Variants in SFTPD observed in about 807,000 individuals in gnomAD.
The protein encoded by SFTPD is surfactant protein D, also known as pulmonary surfactant-associated protein D.
Under a neutral mutation model 34.6 loss-of-function variants are expected in SFTPD, and 18 were observed. The ratio of observed to expected loss-of-function variants is 0.52; its 90% CI spans 0.36 to 0.77. The LOEUF (loss-of-function observed/expected upper bound fraction) is 0.77, where lower values mean the gene tolerates loss of function less well. SFTPD is among the 30% of genes least tolerant of loss of function. SFTPD has a pLI of 0.00. For missense variants in SFTPD, 433 were observed against 468.9 expected (o/e 0.92, Z 0.71); for synonymous variants, 155 against 180.9 (o/e 0.86, Z 1.15).
rs755789807 is a variant in SFTPD, at chr10:79,941,910, A to G, written c.550+44T>C. The G allele has an allele frequency of 1.2e-5, 16 of 1,281,280 alleles. 1 individual carries two copies. In the South Asian group the frequency reaches 1.8e-4, roughly 14 times the overall value. The allele number at this position is 1,281,280 out of a possible 1,614,324, so 79.4% of individuals were successfully genotyped here. ...GGCATTGACAGCTCCAAGCAGGCAC[A>G]GGAGAACTGGACCCAGCCCAGCCCA... On this transcript the variant is annotated intron_variant, in intron 5 of 7. Coordinates refer to ENST00000372292, the MANE Select transcript of SFTPD (RefSeq NM_003019.5).
chr10:79,941,974 G>C lies in SFTPD; in HGVS notation c.530C>G (p.Pro177Arg). 6.2e-7 allele frequency: 1 copy of C among 1,612,752 alleles called. No homozygotes were observed. The highest frequency in any genetic ancestry group is 8.5e-7 in the Non-Finnish European group (1 of 1,178,866). Residue 177 changes from proline (P) to arginine (R), a missense_variant, in exon 5 of 8, where the codon CCT (proline) becomes CGT (arginine). Coordinates refer to ENST00000372292, the MANE Select transcript of SFTPD (RefSeq NM_003019.5). ...ERGVPGERGVPGNTGAAGSAG... is the reference protein window; with the variant it reads ...ERGVPGERGVRGNTGAAGSAG... ...CTCACCTGCTGCCCCTGTGTTTCCA[G>C]GGACTCCACGCTCACCAGGGACACC...
At chr10:79,951,640 C>G (rs976374901), upstream of SFTPD, among the ~76,000 whole-genome samples, 1 of 152,170 alleles carries the variant, frequency 6.6e-6, no homozygotes, top group Non-Finnish European at 1.5e-5. Flanking sequence ...CCTCTGTCAG[C>G]CTGTTTTTTA....
At chr10:79,978,201 G>A (rs1438911744) in intron 1 of SFTPD, among the ~76,000 whole-genome samples, 3 of 152,184 alleles carry the variant, frequency 2.0e-5, no homozygotes, top group South Asian at 2.1e-4. Flanking sequence ...TAACATAGGG[G>A]TGCAAGGATG....
intron 1 of SFTPD, chr10:79,972,507 CA>C (rs1842841141): frequency 9.8e-6 from 1 of 101,738 alleles, no homozygotes; most frequent in Admixed American, 9.8e-5. Flanking sequence ...TCAAAACACA[CA>C]CACAGACACA....
At chr10:79,958,800 G>A (rs1489445052) in intron 1 of SFTPD, among the ~76,000 whole-genome samples, 1 of 152,120 alleles carries the variant, frequency 6.6e-6, no homozygotes, top group Non-Finnish European at 1.5e-5. Context: ...AGACCTAATA[G>A]ACAACTACAG....
At chr10:79,946,366 C>T in intron 2 of SFTPD, 95 bp downstream of exon 2, 1 of 945,276 alleles carries the variant, frequency 1.1e-6, no homozygotes, top group Non-Finnish European at 1.7e-6. Context: ...AACACGTCTC[C>T]AGACTTCCAT....
intron 1 of SFTPD, chr10:79,982,158 G>T: frequency 2.5e-6 from 1 of 396,402 alleles, no homozygotes; most frequent in South Asian, 6.9e-5. Context: ...TGGCGGGGCA[G>T]GGCGGACATG....
At chr10:79,960,408 C>T (rs1180512362) in intron 1 of SFTPD, among the ~76,000 whole-genome samples, 3 of 151,166 alleles carry the variant, frequency 2.0e-5, no homozygotes, top group Non-Finnish European at 4.4e-5. Context: ...ATCGTCTCAG[C>T]CCAAAATCTC....
chr10:79,957,567 G>A (rs10788328), intron 1 of SFTPD, among the ~76,000 whole-genome samples: 22,263 of 152,128 alleles, frequency 0.15, 2,064 homozygotes, highest in East Asian at 0.41. Flanking sequence ...AAGATGAAAT[G>A]AATGAAGTGA....
At position 79,942,854 on chromosome 10, in the gene SFTPD, T is replaced by G. The variant is rs1449450689; in HGVS notation, c.225A>C (p.Ala75=). 1 of 1,613,798 alleles carries G rather than the reference T, an allele frequency of 6.2e-7. No homozygotes were observed. The highest frequency in any genetic ancestry group is 8.5e-7 in the Non-Finnish European group (1 of 1,179,682). The part of the protein sequence containing the change: ...DPGLPGAAGQ[A]GMPGQAGPVG... Reference sequence around the variant, plus strand: ...CTGGGCCAGCTTGTCCAGGCATCCCTGCTTGCCCTGCAGCTCCTGGCAAAC... The same window carrying G: ...CTGGGCCAGCTTGTCCAGGCATCCCGGCTTGCCCTGCAGCTCCTGGCAAAC... The change falls in exon 3 of 8, where the codon GCA becomes GCC. Residue 75 remains alanine (A), a synonymous_variant. Transcript: ENST00000372292.
intron 1 of SFTPD, among the ~76,000 whole-genome samples, chr10:79,966,849 C>T (rs143938049): frequency 0.011 from 1,649 of 147,412 alleles, 171 homozygotes; most frequent in African/African-American, 0.04. Flanking sequence ...GAATCCTTTC[C>T]CCATTGCTTG....
chr10:79,942,073 G>T lies in SFTPD; in HGVS notation c.434-3C>A. On this transcript the variant is annotated splice_polypyrimidine_tract_variant and splice_region_variant and intron_variant, in intron 4 of 7. Coordinates refer to ENST00000372292, the MANE Select transcript of SFTPD (RefSeq NM_003019.5). ...CATGCCTGGGGCACCTACTTCTCCTGAAGAAGGAACACACAGGAACAAACA... is the reference window on the plus strand; with the variant it reads ...CATGCCTGGGGCACCTACTTCTCCTTAAGAAGGAACACACAGGAACAAACA... 6.2e-7 allele frequency: 1 copy of T among 1,603,182 alleles called. No homozygotes were observed. Among genetic ancestry groups the T allele is most frequent in the Non-Finnish European group, 8.5e-7 (1 of 1,171,036 alleles).
At chr10:79,939,012 G>A (rs17879583) in intron 7 of SFTPD, among the ~76,000 whole-genome samples, 4,510 of 152,284 alleles carry the variant, frequency 0.03, 95 homozygotes, top group Non-Finnish European at 0.044. Flanking sequence ...TCCACATTGC[G>A]TGGGCAAGGG....
intron 1 of SFTPD, chr10:79,968,142 C>A (rs923173081): frequency 2.0e-5 from 3 of 151,976 alleles, no homozygotes; most frequent in African/African-American, 7.3e-5. Context: ...TCGGGATATC[C>A]ATAACCTCAA....
At chr10:79,970,103 G>C (rs2132521178) in intron 1 of SFTPD, 1 of 152,284 alleles carries the variant, frequency 6.6e-6, no homozygotes, top group South Asian at 2.1e-4. Flanking sequence ...TGGACCTCCA[G>C]TTTTCCCAAC....
At chr10:79,966,665 A>G (rs1248062183) in intron 1 of SFTPD, among the ~76,000 whole-genome samples, 2 of 146,600 alleles carry the variant, frequency 1.4e-5, no homozygotes, top group South Asian at 2.2e-4. Flanking sequence ...GCCCATGCCT[A>G]TGTCCTGAAT....
At chr10:79,963,160 T>C (rs1469747558) in intron 1 of SFTPD, among the ~76,000 whole-genome samples, 2 of 152,074 alleles carry the variant, frequency 1.3e-5, no homozygotes, top group South Asian at 2.1e-4. Context: ...CTTGGCAACA[T>C]AGAGAGACCT....
At chr10:79,975,100 C>A (rs1842857517) in intron 1 of SFTPD, among the ~76,000 whole-genome samples, 1 of 152,192 alleles carries the variant, frequency 6.6e-6, no homozygotes, top group Non-Finnish European at 1.5e-5. Context: ...CTAAATCACT[C>A]TCTCATCTAG....
chr10:79,938,344 T>A, intron 7 of SFTPD, 116 bp from the exon 8 acceptor site: 1 of 849,894 alleles, frequency 1.2e-6, no homozygotes, highest in Non-Finnish European at 1.8e-6. Flanking sequence ...AGGCACCGCA[T>A]CAGGATGCCA....
Sources: allele counts gnomAD v4.1 joint callset (sites outside exome capture counted in the v4.1 genomes callset), GRCh38; gene constraint gnomAD v4.1.1; transcripts MANE v1.5; gene names NCBI Gene and HGNC (gene_info 2026-07-23, HGNC 2026-07-21).